Variants in RBFOX1 observed in about 807,000 individuals in gnomAD.
RBFOX1 encodes the protein RNA binding protein fox-1 homolog 1.
A neutral mutation model predicts 57.7 loss-of-function variants in RBFOX1; 8 were observed. The observed-to-expected ratio is 0.14, with a 90% confidence interval of 0.08 to 0.25. The LOEUF is 0.25. Among genes scored for constraint, RBFOX1 ranks in the 10% least tolerant of loss-of-function variants. RBFOX1 has a pLI of 1.00. For synonymous variants in RBFOX1, 326 were observed against 222.4 expected, an observed-to-expected ratio of 1.47 and a Z score of -4.15; for missense variants, 611 against 548.5, an observed-to-expected ratio of 1.11 and a Z score of -1.14.
intron 1 of RBFOX1, among the ~76,000 whole-genome samples, chr16:5,347,573 C>G (rs180775080): frequency 2.0e-5 from 3 of 152,080 alleles, no homozygotes; most frequent in Non-Finnish European, 2.9e-5. Context: ...TCCTTCCACT[C>G]GTCTGTCCGT....
intron 3 of RBFOX1, among the ~76,000 whole-genome samples, chr16:6,705,896 T>C (rs1329059110): frequency 1.3e-5 from 2 of 152,142 alleles, no homozygotes; most frequent in Non-Finnish European, 2.9e-5. Flanking sequence ...TGCATGTCTC[T>C]AGTCCCAACT....
intron 4 of RBFOX1, among the ~76,000 whole-genome samples, chr16:7,319,522 C>A (rs551161253): frequency 8.5e-5 from 13 of 152,250 alleles, no homozygotes; most frequent in African/African-American, 3.1e-4. Context: ...ACTGTACAAT[C>A]TGTTTGGCAT....
intron 3 of RBFOX1, among the ~76,000 whole-genome samples, chr16:5,645,090 A>AT (rs967355384): frequency 6.6e-6 from 1 of 151,958 alleles, no homozygotes; most frequent in African/African-American, 2.4e-5. Context: ...ACAAAAAAAA[A>AT]AAAAATAAAA....
chr16:7,101,280 G>A (rs146501486), intron 4 of RBFOX1, among the ~76,000 whole-genome samples: 5 of 152,238 alleles, frequency 3.3e-5, no homozygotes, highest in South Asian at 4.1e-4. Flanking sequence ...CCAGCTCGCC[G>A]CTAGCTTGGA....
At chr16:7,095,441 A>T (rs1019175347) in intron 4 of RBFOX1, among the ~76,000 whole-genome samples, 3 of 152,132 alleles carry the variant, frequency 2.0e-5, no homozygotes, top group Non-Finnish European at 4.4e-5. Flanking sequence ...GCCAGCTTAG[A>T]ATGTTCTTCC....
intron 4 of RBFOX1, among the ~76,000 whole-genome samples, chr16:5,980,956 T>G (rs2060160097): frequency 6.6e-6 from 1 of 152,162 alleles, no homozygotes; most frequent in African/African-American, 2.4e-5. Flanking sequence ...GGAAGTGATG[T>G]GGAGTTTCAG....
At position 7,711,656 on chromosome 16, in the gene RBFOX1, T is replaced by C. The variant is rs187953257; in HGVS notation, c.*911T>C. On this transcript the variant is annotated 3_prime_UTR_variant, in exon 16 of 16. Transcript: ENST00000550418. ...AAAAACTTAAATTCTTTGTACCAGT[T>C]AAAAAAAATGTATAAAATTTACATC... is the stretch of plus-strand genomic sequence containing the variant. 6.6e-6 allele frequency: 1 copy of C among 152,314 alleles called. No individual in the cohort carries two copies. Among genetic ancestry groups the C allele is most frequent in the Middle Eastern group, 3.2e-3 (1 of 316 alleles). The allele number at this position is 152,314 out of a possible 1,614,324, so 9.4% of individuals were successfully genotyped here.
At chr16:7,566,677 A>T (rs1051492612) in intron 5 of RBFOX1, among the ~76,000 whole-genome samples, 1 of 152,082 alleles carries the variant, frequency 6.6e-6, no homozygotes, top group Non-Finnish European at 1.5e-5. Flanking sequence ...TGTATCCCAG[A>T]CCATTTAGCC....
intron 3 of RBFOX1, among the ~76,000 whole-genome samples, chr16:6,885,945 C>A (rs1025911014): frequency 2.0e-5 from 3 of 152,180 alleles, no homozygotes; most frequent in Non-Finnish European, 4.4e-5. Context: ...AAAATGATTT[C>A]TCTTGATTTG....
intron 1 of RBFOX1, among the ~76,000 whole-genome samples, chr16:5,262,103 T>C (rs1022303276): frequency 2.6e-5 from 4 of 152,200 alleles, no homozygotes; most frequent in Non-Finnish European, 5.9e-5. Context: ...GAGCAACTAA[T>C]TCTATTAATA....
At chr16:7,610,139 T>TTTTTTTTTTTTTTTTTTG (rs2057174916) in intron 10 of RBFOX1, among the ~76,000 whole-genome samples, 3 of 127,614 alleles carry the variant, frequency 2.4e-5, no homozygotes, top group Non-Finnish European at 3.3e-5. Flanking sequence ...TTTTTTTTTT[T>TTTTTTTTTTTTTTTTTTG]GAGGCAGTTT....
intron 14 of RBFOX1, among the ~76,000 whole-genome samples, chr16:7,691,316 C>G (rs1002527744): frequency 1.4e-5 from 2 of 146,870 alleles, no homozygotes; most frequent in Middle Eastern, 3.4e-3. Flanking sequence ...ACTTAGGGAT[C>G]AAGAAGAGAC....
At chr16:7,637,567 A>G (rs957818070) in intron 11 of RBFOX1, among the ~76,000 whole-genome samples, 2 of 152,326 alleles carry the variant, frequency 1.3e-5, no homozygotes, top group South Asian at 2.1e-4. Context: ...AAGGACCTAA[A>G]TTAATTTACG....
At chr16:5,418,396 T>A (rs959296087) in intron 1 of RBFOX1, among the ~76,000 whole-genome samples, 8 of 150,916 alleles carry the variant, frequency 5.3e-5, no homozygotes. Flanking sequence ...AGGACCGGGG[T>A]GTTGTGTGAG....
chr16:6,804,793 G>GTA (rs2086337055), intron 3 of RBFOX1, among the ~76,000 whole-genome samples: 1 of 152,144 alleles, frequency 6.6e-6, no homozygotes, highest in Non-Finnish European at 1.5e-5. Context: ...CTATTGCCAA[G>GTA]TATGTGCATT....
chr16:5,961,606 A>T (rs1403260831), intron 4 of RBFOX1, among the ~76,000 whole-genome samples: 4 of 152,044 alleles, frequency 2.6e-5, no homozygotes, highest in Non-Finnish European at 5.9e-5. Context: ...TGCAGCCTCA[A>T]CCTCCCCAGT....
chr16:6,971,924 C>G (rs977645700), intron 3 of RBFOX1, among the ~76,000 whole-genome samples: 1 of 152,108 alleles, frequency 6.6e-6, no homozygotes, highest in African/African-American at 2.4e-5. Context: ...GAGATGGGAA[C>G]TGGACCGACT....
intron 4 of RBFOX1, among the ~76,000 whole-genome samples, chr16:7,177,585 C>G (rs2081936794): frequency 6.6e-6 from 1 of 152,118 alleles, no homozygotes; most frequent in Non-Finnish European, 1.5e-5. Flanking sequence ...ACAGGCACTA[C>G]CTTTGTAGAA....
intron 3 of RBFOX1, among the ~76,000 whole-genome samples, chr16:6,949,703 T>C (rs2080296027): frequency 6.6e-6 from 1 of 152,186 alleles, no homozygotes; most frequent in Admixed American, 6.5e-5. Context: ...TTCTAGGTCC[T>C]ACCTCCACAT....
Sources: gnomAD v4.1 joint callset for allele counts (sites outside exome capture counted in the v4.1 genomes callset) on GRCh38, gnomAD v4.1.1 for gene constraint, MANE v1.5 for transcripts, NCBI Gene and HGNC (gene_info 2026-07-23, HGNC 2026-07-21) for gene names.